The following IRGQ variants were observed in gnomAD, a reference collection of about 807,000 sequenced individuals.
The protein encoded by IRGQ is immunity-related GTPase family Q protein.
In IRGQ, 5 loss-of-function variants were observed where a neutral mutation model predicts 10.5. That is an observed-to-expected ratio of 0.48 (90% confidence interval 0.25 to 1.00). The LOEUF (loss-of-function observed/expected upper bound fraction) is 1.00, where lower values mean the gene tolerates loss of function less well. Among genes scored for constraint, IRGQ ranks in the 50% least tolerant of loss-of-function variants. IRGQ has a pLI of 0.16. For missense variants in IRGQ, 792 were observed against 877.7 expected (o/e 0.90, Z 1.23); for synonymous variants, 418 against 426.0 (o/e 0.98, Z 0.23).
At position 43,593,105 on chromosome 19, in the gene IRGQ, G is replaced by C; in HGVS notation, c.793C>G (p.Pro265Ala). 1.3e-6 allele frequency: 2 copies of C among 1,582,046 alleles called. No individual in the cohort carries two copies. The highest frequency in any genetic ancestry group is 1.7e-6 in the Non-Finnish European group (2 of 1,159,784). Reference protein sequence around the residue: ...ASVPTAPTPFPAPERPNVVLW... With the variant: ...ASVPTAPTPFAAPERPNVVLW... Reference sequence around the variant, plus strand: ...ACCACATTCGGGCGCTCTGGGGCTGGGAAGGGAGTGGGTGCTGTGGGGACC... The same window carrying C: ...ACCACATTCGGGCGCTCTGGGGCTGCGAAGGGAGTGGGTGCTGTGGGGACC... Residue 265 changes from proline (P) to alanine (A), a missense_variant, in exon 3 of 3, where the codon CCA becomes GCA. By Grantham distance (27) the Pro-to-Ala change is conservative (BLOSUM62 -1). Coordinates refer to ENST00000422989, the MANE Select transcript of IRGQ (RefSeq NM_001007561.3). This position sits in a 1 kb window ranked among gnomAD's most constrained non-coding sequence, Gnocchi z 6.4.
chr19:43,592,040 CA>C lies in IRGQ; in HGVS notation c.1857del (p.Glu620SerfsTer16), dbSNP rs774980152. 2 of 1,603,446 alleles carry C rather than the reference CA, an allele frequency of 1.2e-6. No individual in the cohort carries two copies. Among genetic ancestry groups the C allele is most frequent in the South Asian group, 1.1e-5 (1 of 89,952 alleles). ...RADAEAVLAP[P>X]EPAQ ...CCTCCCACTCCTCACTGGGCAGGCT[CA>C]GGGGGTGCCAGCACAGCCTCAGCAT... On this transcript the variant is annotated frameshift_variant, in exon 3 of 3. Transcript: ENST00000422989. LOFTEE classifies it high-confidence loss of function.
chr19:43,593,062 A>C lies in IRGQ; in HGVS notation c.836T>G (p.Leu279Arg), dbSNP rs1568528070. 2 of 1,604,902 alleles carry C rather than the reference A, an allele frequency of 1.2e-6. No individual in the cohort carries two copies. Among genetic ancestry groups the C allele is most frequent in the Non-Finnish European group, 1.7e-6 (2 of 1,174,406 alleles). Residue 279 changes from leucine (L) to arginine (R), a missense_variant, in exon 3 of 3, where the codon CTG (leucine) becomes CGG (arginine). Coordinates refer to ENST00000422989, the MANE Select transcript of IRGQ (RefSeq NM_001007561.3). The surrounding 1 kb of genome is among the most constrained non-coding windows in gnomAD (Gnocchi z 6.4). Reference sequence around the variant, plus strand: ...GGTGGTGGCAGTGCCCGTGTGGCCCAGAGGCACGGTCCAGAGCACCACATT... The same window carrying C: ...GGTGGTGGCAGTGCCCGTGTGGCCCCGAGGCACGGTCCAGAGCACCACATT... ...RPNVVLWTVP[L>R]GHTGTATTAA...
In IRGQ at chr19:43,593,127, G is replaced by A; in HGVS notation, c.771C>T (p.Val257=). Residue 257 remains valine, a synonymous_variant, in exon 3 of 3, where the codon GTC becomes GTT. Coordinates refer to ENST00000422989, the MANE Select transcript of IRGQ (RefSeq NM_001007561.3). The surrounding 1 kb of genome is among the most constrained non-coding windows in gnomAD (Gnocchi z 6.4). ...CTGGGAAGGGAGTGGGTGCTGTGGG[G>A]ACCGAAGCAGGCGCAGCGCCTGGGT... The part of the protein sequence containing the change: ...PGDPGAAPAS[V]PTAPTPFPAP... The A allele has an allele frequency of 6.4e-7, 1 of 1,565,394 alleles. No individual in the cohort carries two copies. The highest frequency in any genetic ancestry group is 1.2e-5 in the South Asian group (1 of 85,742).
Position 43,593,468 on chromosome 19 carries a change from A to G in IRGQ, c.531-101T>C. The G allele has an allele frequency of 5.6e-6, 7 of 1,250,280 alleles. No homozygotes were observed. The allele number at this position is 1,250,280 out of a possible 1,614,324, so 77.4% of individuals were successfully genotyped here. A position where few individuals can be genotyped will look rare whatever the true frequency, so the allele number is the denominator to read the frequency against. On this transcript the variant is annotated intron_variant, in intron 2 of 2. Coordinates refer to ENST00000422989, the MANE Select transcript of IRGQ (RefSeq NM_001007561.3). This position sits in a 1 kb window ranked among gnomAD's most constrained non-coding sequence, Gnocchi z 6.4. The stretch of plus-strand genomic sequence containing the variant: ...GCAGAGCTTTCCTAATGATCCCAGA[A>G]TGGGGCAGGGGTAGGAAAGGGAAGG...
Position 43,595,002 on chromosome 19 carries a change from C to T in IRGQ, c.337G>A (p.Val113Met), listed in dbSNP as rs1840304576. The T allele has an allele frequency of 6.2e-7, 1 of 1,613,576 alleles. No individual in the cohort carries two copies. Among genetic ancestry groups the T allele is most frequent in the Non-Finnish European group, 8.5e-7 (1 of 1,179,944 alleles). Residue 113 changes from valine (V) to methionine (M), a missense_variant, in exon 2 of 3, where the codon GTG (valine) becomes ATG (methionine). Coordinates refer to ENST00000422989, the MANE Select transcript of IRGQ (RefSeq NM_001007561.3). ...GAATCCCCAGGACGGAGGTTCCGCA[C>T]AGCCAGTAGCGGGGTCCCTCGGGCC... ...ALARGTPLLA[V>M]RNLRPGDSQT...
rs1334149891 is a variant in IRGQ, at chr19:43,593,270, G to C, written c.628C>G (p.Leu210Val). The change falls in exon 3 of 3, where the codon CTG (leucine) becomes GTG (valine). Residue 210 changes from leucine to valine, a missense_variant. By Grantham distance (32) the Leu-to-Val change is conservative. Transcript: ENST00000422989. This position sits in a 1 kb window ranked among gnomAD's most constrained non-coding sequence, Gnocchi z 6.4. ...TCCAGGCCTGAGCGCACCCACGACA[G>C]CGCAGCCTCAAGGCCGCCGGTCTCA... Reference protein sequence around the residue: ...AFETGGLEAALSWVRSGLERL... With the variant: ...AFETGGLEAAVSWVRSGLERL... 3 of 1,596,920 alleles carry C rather than the reference G, an allele frequency of 1.9e-6. No homozygotes were observed. In the African/African-American group the frequency reaches 4.0e-5, roughly 21 times the overall value.
rs1214357159 is a variant in IRGQ, at chr19:43,591,364, T to A, written c.*662A>T. 1.3e-5 allele frequency: 2 copies of A among 152,160 alleles called. No homozygotes were observed. The highest frequency in any genetic ancestry group is 2.9e-5 in the Non-Finnish European group (2 of 68,064). 9.4% of individuals were successfully genotyped at this position (152,160 alleles called of 1,614,324 possible). ...TCCCTCCCCTATACTGGAGTTCAGGTCCCAGTCATGGACACCTCCCCACCA... is the reference window on the plus strand; with the variant it reads ...TCCCTCCCCTATACTGGAGTTCAGGACCCAGTCATGGACACCTCCCCACCA... On this transcript the variant is annotated 3_prime_UTR_variant, in exon 3 of 3. Coordinates refer to ENST00000422989, the MANE Select transcript of IRGQ (RefSeq NM_001007561.3).
chr19:43,594,342 G>T (rs762950957), intron 2 of IRGQ, among the ~76,000 whole-genome samples: 1 of 152,174 alleles, frequency 6.6e-6, no homozygotes, highest in Non-Finnish European at 1.5e-5. Context: ...GCTTTGGGAA[G>T]CCTGGGTGGG....
At position 43,592,774 on chromosome 19, in the gene IRGQ, G is replaced by A. The variant is rs1973078256; in HGVS notation, c.1124C>T (p.Ala375Val). 6.2e-7 allele frequency: 1 copy of A among 1,613,666 alleles called. No individual in the cohort carries two copies. ...CCCGCTGCCTGCTTTCTGCGATCCA[G>A]CGCTACATTTCTCCCTTCCCTTACT... ...ALSKGREKCS[A>V]GSQKAGSGEG... Residue 375 changes from alanine to valine, a missense_variant, in exon 3 of 3, where the codon GCT becomes GTT. Coordinates refer to ENST00000422989, the MANE Select transcript of IRGQ (RefSeq NM_001007561.3).
chr19:43,595,340 G>A lies in IRGQ; in HGVS notation c.-2C>T. 1 of 1,541,638 alleles carries A rather than the reference G, an allele frequency of 6.5e-7. No homozygotes were observed. The highest frequency in any genetic ancestry group is 8.7e-7 in the Non-Finnish European group (1 of 1,148,276). On this transcript the variant is annotated splice_region_variant and 5_prime_UTR_variant, in exon 2 of 3. Coordinates refer to ENST00000422989, the MANE Select transcript of IRGQ (RefSeq NM_001007561.3). ...CACGTCACCCTGCGGCGGAGGCATG[G>A]CTGGAAAGCAACGGGTAGAGAAGAC...
rs1973060920 is a variant in IRGQ at position 43,591,953 on chromosome 19, C to A, written c.*73G>T. ...CCAGCTGGAAGTCAAGAGTCCACAT[C>A]CCCTTCAAGCACCCAGGATTAAGCC... is the stretch of plus-strand genomic sequence containing the variant. On this transcript the variant is annotated 3_prime_UTR_variant, in exon 3 of 3. Coordinates refer to ENST00000422989, the MANE Select transcript of IRGQ (RefSeq NM_001007561.3). The A allele has an allele frequency of 6.8e-7, 1 of 1,461,704 alleles. No individual in the cohort carries two copies. The highest frequency in any genetic ancestry group is 9.2e-7 in the Non-Finnish European group (1 of 1,083,124). The allele number at this position is 1,461,704 out of a possible 1,614,324, so 90.5% of individuals were successfully genotyped here. A position where few individuals can be genotyped will look rare whatever the true frequency, so the allele number is the denominator to read the frequency against.
Position 43,594,683 on chromosome 19 carries a change from A to AT in IRGQ, c.530+125_530+126insA, listed in dbSNP as rs1555773874. 4,566 of 629,588 alleles carry AT rather than the reference A, an allele frequency of 7.3e-3. 29 individuals are homozygous for AT. Among genetic ancestry groups the AT allele is most frequent in the African/African-American group, 0.036 (1,905 of 52,944 alleles). 39.0% of individuals were successfully genotyped at this position (629,588 alleles called of 1,614,324 possible). ...ACCCTGTCTCTCAGGAAAAAAAAAA[A>AT]AATAATAATAATAGAGCTAAGCCTT... On this transcript the variant is annotated intron_variant, in intron 2 of 2. Transcript: ENST00000422989.
In IRGQ at chr19:43,594,499, C is replaced by T. The variant is rs71362662; in HGVS notation, c.530+310G>A. 1.9e-3 allele frequency among the ~76,000 whole-genome samples: 291 copies of T among 151,832 alleles called. 1 individual carries two copies. The highest frequency in any genetic ancestry group is 3.2e-3 in the Non-Finnish European group (217 of 67,936). ...GGAGGCCGTCAGTGAGCTAGGATCG[C>T]GGCACTGCACTCCAGCCTGGGCGAC... On this transcript the variant is annotated intron_variant, in intron 2 of 2. Transcript: ENST00000422989.
Position 43,592,082 on chromosome 19 carries a change from C to T in IRGQ, c.1816G>A (p.Asp606Asn), listed in dbSNP as rs1236195151. Residue 606 changes from aspartate (D) to asparagine (N), a missense_variant, in exon 3 of 3, where the codon GAT becomes AAT. Coordinates refer to ENST00000422989, the MANE Select transcript of IRGQ (RefSeq NM_001007561.3). ...GCCTCAGCATCAGCCCGCATCTCAT[C>T]GAGAGCCTGCAGCAGGACGCCGTGA... ...AAHGVLLQAL[D>N]EMRADAEAVL... 1.9e-6 allele frequency: 3 copies of T among 1,612,496 alleles called. No individual in the cohort carries two copies. Among genetic ancestry groups the T allele is most frequent in the Non-Finnish European group, 2.5e-6 (3 of 1,179,670 alleles).
chr19:43,590,534 AC>A lies in IRGQ; in HGVS notation c.*1491del, dbSNP rs2146094537. ...TTCCCATGGTCTCAAGTGCCTGACC[AC>A]CCATTTGGTGGGCCCCTGGCTCAAT... On this transcript the variant is annotated 3_prime_UTR_variant, in exon 3 of 3. Coordinates refer to ENST00000422989, the MANE Select transcript of IRGQ (RefSeq NM_001007561.3). The A allele has an allele frequency of 1.3e-5, 2 of 152,188 alleles. No homozygotes were observed. Among genetic ancestry groups the A allele is most frequent in the African/African-American group, 4.8e-5 (2 of 41,492 alleles). 9.4% of individuals were successfully genotyped at this position (152,188 alleles called of 1,614,324 possible).
rs764545585 is a variant in IRGQ, at chr19:43,592,338, C to G, written c.1560G>C (p.Leu520=). Reference sequence around the variant, plus strand: ...GAGCCAGTGCCGTGGGTTCCAGCCCCAGGCCCCGTCGCCACTCCGCCAGCT... The same window carrying G: ...GAGCCAGTGCCGTGGGTTCCAGCCCGAGGCCCCGTCGCCACTCCGCCAGCT... ...RGQLAEWRRG[L]GLEPTALARR... The change falls in exon 3 of 3, where the codon CTG becomes CTC. Residue 520 remains leucine, a synonymous_variant. Transcript: ENST00000422989. 3 of 1,570,822 alleles carry G rather than the reference C, an allele frequency of 1.9e-6. No individual in the cohort carries two copies. The East Asian group carries it at 7.1e-5, about 37-fold the overall frequency.
rs1354470755 is a variant in IRGQ, at chr19:43,588,736, A to G, written c.*3290T>C. 6.6e-6 allele frequency: 1 copy of G among 152,256 alleles called. No individual in the cohort carries two copies. Among genetic ancestry groups the G allele is most frequent in the African/African-American group, 2.4e-5 (1 of 41,460 alleles). The allele number at this position is 152,256 out of a possible 1,614,324, so 9.4% of individuals were successfully genotyped here. Reference sequence around the variant, plus strand: ...TCCATCTCAAAAAAAGAAAACTTAAAATGACATATGTGGCTTGCATTTCGT... The same window carrying G: ...TCCATCTCAAAAAAAGAAAACTTAAGATGACATATGTGGCTTGCATTTCGT... On this transcript the variant is annotated 3_prime_UTR_variant, in exon 3 of 3. Transcript: ENST00000422989.
chr19:43,593,309 C>A lies in IRGQ; in HGVS notation c.589G>T (p.Val197Leu), dbSNP rs1371283816. ...EVLGAAELEA[V>L]REAFETGGLE... ...CCGCCGGTCTCAAAGGCCTCACGCA[C>A]AGCCTCTAGCTCTGCTGCACCCAAC... Residue 197 changes from valine to leucine, a missense_variant, in exon 3 of 3, where the codon GTG becomes TTG. By Grantham distance (32) the Val-to-Leu change is conservative. Coordinates refer to ENST00000422989, the MANE Select transcript of IRGQ (RefSeq NM_001007561.3). This position sits in a 1 kb window ranked among gnomAD's most constrained non-coding sequence, Gnocchi z 6.4. The A allele has an allele frequency of 6.4e-7, 1 of 1,572,564 alleles. No homozygotes were observed. Among genetic ancestry groups the A allele is most frequent in the African/African-American group, 1.4e-5 (1 of 73,512 alleles).
In IRGQ at chr19:43,587,443, C is replaced by T. The variant is rs1011795201; in HGVS notation, c.*4583G>A. 6.6e-6 allele frequency: 1 copy of T among 152,048 alleles called. No homozygotes were observed. The highest frequency in any genetic ancestry group is 1.5e-5 in the Non-Finnish European group (1 of 68,022). 9.4% of individuals were successfully genotyped at this position (152,048 alleles called of 1,614,324 possible). On this transcript the variant is annotated 3_prime_UTR_variant, in exon 3 of 3. Coordinates refer to ENST00000422989, the MANE Select transcript of IRGQ (RefSeq NM_001007561.3). ...TTGGAAAACTATTATATAATTGGAA[C>T]AACTTGGATATGTGAATCTACTTCT...
Sources: allele counts gnomAD v4.1 joint callset (sites outside exome capture counted in the v4.1 genomes callset), GRCh38; gene constraint gnomAD v4.1.1; non-coding constraint Gnocchi (gnomAD v3.1); transcripts MANE v1.5; gene names NCBI Gene and HGNC (gene_info 2026-07-23, HGNC 2026-07-21).